Variants in LCLAT1 observed in about 807,000 individuals in gnomAD.
LCLAT1 encodes lysocardiolipin acyltransferase 1.
LCLAT1 carries 11 observed loss-of-function variants against 30.7 expected under a neutral mutation model. The observed-to-expected ratio is 0.36, with a 90% CI of 0.23 to 0.59. The LOEUF is 0.59. Ranked by LOEUF, LCLAT1 falls within the 20% of genes least tolerant of loss-of-function variation. The probability of loss-of-function intolerance (pLI) is 0.77; values close to 1 mark genes in which losing one functional copy is unlikely to be tolerated. For missense variants in LCLAT1, 402 were observed against 458.6 expected, an observed-to-expected ratio of 0.88 and a Z score of 1.13; for synonymous variants, 155 against 151.3, an observed-to-expected ratio of 1.02 and a Z score of -0.18.
chr2:30,531,771 A>G lies in LCLAT1; in HGVS notation c.166-1345A>G, dbSNP rs77201580. Among the ~76,000 whole-genome samples, 758 of 152,292 alleles carry G rather than the reference A, an allele frequency of 5.0e-3. 6 individuals are homozygous for G. Among genetic ancestry groups the G allele is most frequent in the African/African-American group, 0.018 (733 of 41,568 alleles). On this transcript the variant is annotated intron_variant, in intron 2 of 5. Coordinates refer to ENST00000379509, the MANE Select transcript of LCLAT1 (RefSeq NM_001002257.3). ...TAATATTATTTTGAACCTATGTTTTATTGATCCTGTTATGTTTTTCAAAGT... is the reference window on the plus strand; with the variant it reads ...TAATATTATTTTGAACCTATGTTTTGTTGATCCTGTTATGTTTTTCAAAGT...
intron 5 of LCLAT1, among the ~76,000 whole-genome samples, chr2:30,629,484 C>T (rs1448059383): frequency 2.6e-5 from 4 of 152,086 alleles, no homozygotes; most frequent in East Asian, 1.9e-4. Flanking sequence ...CGCTTGAACC[C>T]GGGAAGTGGA....
intron 1 of LCLAT1, among the ~76,000 whole-genome samples, chr2:30,485,731 ATAG>A (rs1433619233): frequency 7.2e-5 from 11 of 152,190 alleles, no homozygotes; most frequent in Admixed American, 2.0e-4. Flanking sequence ...AAATAGGAAA[ATAG>A]TAGATTATGC....
intron 1 of LCLAT1, among the ~76,000 whole-genome samples, chr2:30,522,609 G>A (rs1685530959): frequency 6.6e-6 from 1 of 152,150 alleles, no homozygotes; most frequent in African/African-American, 2.4e-5. Flanking sequence ...ATAGTGCCTG[G>A]CACACGGTAA....
At chr2:30,633,695 A>G (rs1251239610) in intron 5 of LCLAT1, among the ~76,000 whole-genome samples, 7 of 152,198 alleles carry the variant, frequency 4.6e-5, no homozygotes, top group Admixed American at 4.6e-4. Flanking sequence ...AAAATAAATA[A>G]ATAAATAAAA....
chr2:30,548,691 A>AAAGGGAT, intron 3 of LCLAT1, among the ~76,000 whole-genome samples: 1 of 152,206 alleles, frequency 6.6e-6, no homozygotes, highest in Non-Finnish European at 1.5e-5. Context: ...GAAGGAAAAT[A>AAAGGGAT]AAGGGATAAG....
intron 5 of LCLAT1, among the ~76,000 whole-genome samples, chr2:30,637,069 C>T (rs2148535764): frequency 6.6e-6 from 1 of 152,238 alleles, no homozygotes; most frequent in East Asian, 1.9e-4. Context: ...GAACATAGTC[C>T]TGAATCTGGC....
chr2:30,595,517 A>G (rs1666893260), intron 5 of LCLAT1, among the ~76,000 whole-genome samples: 1 of 152,116 alleles, frequency 6.6e-6, no homozygotes, highest in African/African-American at 2.4e-5. Context: ...CTGGTTTGCA[A>G]TGCCTTTCTC....
At chr2:30,500,993 T>C (rs1162148768) in intron 1 of LCLAT1, among the ~76,000 whole-genome samples, 1 of 151,994 alleles carries the variant, frequency 6.6e-6, no homozygotes, top group Non-Finnish European at 1.5e-5. Flanking sequence ...CCCATCATGA[T>C]TGCCCGACCC....
intron 1 of LCLAT1, among the ~76,000 whole-genome samples, chr2:30,478,687 A>ATAGG (rs371152962): frequency 9.5e-4 from 126 of 132,650 alleles, no homozygotes; most frequent in African/African-American, 2.4e-3. Context: ...AAATAGATAG[A>ATAGG]TAGGTAGGTA....
chr2:30,461,770 C>CCTTTTTTTTTT lies in LCLAT1; in HGVS notation c.-5+14387_-5+14388insCTTTTTTTTTT, dbSNP rs760622200. On this transcript the variant is annotated intron_variant, in intron 1 of 5. Coordinates refer to ENST00000379509, the MANE Select transcript of LCLAT1 (RefSeq NM_001002257.3). ...TGTGGACCACTTTTTCTAAATTAAA[C>CCTTTTTTTTTT]TTTTTTTTTTTTTTTTTTGAGACGG... Among the ~76,000 whole-genome samples the CCTTTTTTTTTT allele has an allele frequency of 1.2e-3, 152 of 131,720 alleles. 3 individuals are homozygous for CCTTTTTTTTTT. Among genetic ancestry groups the CCTTTTTTTTTT allele is most frequent in the South Asian group, 2.1e-3 (8 of 3,796 alleles). The allele number at this position is 131,720 out of a possible 152,430, so 86.4% of individuals were successfully genotyped here.
chr2:30,477,936 C>G (rs1374217474), intron 1 of LCLAT1, among the ~76,000 whole-genome samples: 1 of 152,046 alleles, frequency 6.6e-6, no homozygotes, highest in Non-Finnish European at 1.5e-5. Context: ...ATTTCTCTCT[C>G]TCCCCCCTGA....
At chr2:30,454,857 C>T (rs1681746237) in intron 1 of LCLAT1, among the ~76,000 whole-genome samples, 1 of 152,108 alleles carries the variant, frequency 6.6e-6, no homozygotes, top group African/African-American at 2.4e-5. Flanking sequence ...AGTGGAGAAG[C>T]AGGATGGAAA....
chr2:30,568,114 A>G lies in LCLAT1; in HGVS notation c.566A>G (p.Tyr189Cys), dbSNP rs2148449414. The G allele has an allele frequency of 6.2e-7, 1 of 1,610,254 alleles. No individual in the cohort carries two copies. Among genetic ancestry groups the G allele is most frequent in the South Asian group, 1.1e-5 (1 of 90,222 alleles). ...GCTGAAAAAAATGGACTTCAGAAAT[A>G]TGAATATGTTTTACATCCAAGAACT... ...AFAEKNGLQKYEYVLHPRTTG... is the reference protein window; with the variant it reads ...AFAEKNGLQKCEYVLHPRTTG... Residue 189 changes from tyrosine (Y) to cysteine (C), a missense_variant, in exon 5 of 6, where the codon TAT becomes TGT. Tyr to Cys is a radical substitution (Grantham distance 194). Coordinates refer to ENST00000379509, the MANE Select transcript of LCLAT1 (RefSeq NM_001002257.3).
At chr2:30,578,631 C>A (rs914908052) in intron 5 of LCLAT1, among the ~76,000 whole-genome samples, 2 of 152,104 alleles carry the variant, frequency 1.3e-5, no homozygotes, top group African/African-American at 4.8e-5. Context: ...GTTCAGTTAA[C>A]CAGCACCTCT....
At chr2:30,631,102 C>G (rs1302088941) in intron 5 of LCLAT1, among the ~76,000 whole-genome samples, 3 of 152,164 alleles carry the variant, frequency 2.0e-5, no homozygotes, top group African/African-American at 7.2e-5. Context: ...TTGACACAGC[C>G]ACAACTTTAG....
intron 1 of LCLAT1, among the ~76,000 whole-genome samples, chr2:30,464,753 G>C (rs1480203743): frequency 6.6e-6 from 1 of 152,200 alleles, no homozygotes; most frequent in Non-Finnish European, 1.5e-5. Context: ...TTTGTTTGCA[G>C]TGTCTAGGGT....
chr2:30,449,872 G>T (rs1001427591), intron 1 of LCLAT1, among the ~76,000 whole-genome samples: 6 of 152,164 alleles, frequency 3.9e-5, no homozygotes, highest in Non-Finnish European at 5.9e-5. Flanking sequence ...TTTTTTAAAA[G>T]AATAATTTGC....
At chr2:30,513,242 A>G (rs780278291) in intron 1 of LCLAT1, among the ~76,000 whole-genome samples, 2 of 152,072 alleles carry the variant, frequency 1.3e-5, no homozygotes, top group South Asian at 4.1e-4. Flanking sequence ...TAGATTAATT[A>G]TTAATGTGTA....
At chr2:30,563,169 C>T (rs757484002) in intron 4 of LCLAT1, among the ~76,000 whole-genome samples, 11 of 151,946 alleles carry the variant, frequency 7.2e-5, no homozygotes, top group South Asian at 2.1e-4. Flanking sequence ...GGACTGCACC[C>T]GATACTACCA....
Sources: gnomAD v4.1 joint callset for allele counts (sites outside exome capture counted in the v4.1 genomes callset) on GRCh38, gnomAD v4.1.1 for gene constraint, MANE v1.5 for transcripts, NCBI Gene and HGNC (gene_info 2026-07-23, HGNC 2026-07-21) for gene names.